Variants in DNAH11 observed in about 807,000 individuals in gnomAD.
The protein encoded by DNAH11 is dynein axonemal heavy chain 11.
A neutral mutation model predicts 526.0 loss-of-function variants in DNAH11; 442 were observed. The ratio of observed to expected loss-of-function variants is 0.84; its 90% confidence interval spans 0.78 to 0.91. The LOEUF (loss-of-function observed/expected upper bound fraction) is 0.91, where lower values mean the gene tolerates loss of function less well. DNAH11 is among the 40% of genes least tolerant of loss of function. The pLI is 0.00. For missense variants in DNAH11, 6,989 were observed against 5,448.7 expected (o/e 1.28, Z -8.90); for synonymous variants, 2,461 against 1,935.9 (o/e 1.27, Z -7.12).
intron 76 of DNAH11, among the ~76,000 whole-genome samples, chr7:21,885,056 AT>A (rs1784074079): frequency 6.7e-6 from 1 of 149,250 alleles, no homozygotes; most frequent in African/African-American, 2.4e-5. Context: ...ATATATAATT[AT>A]TATTTGTCAA....
At chr7:21,724,719 C>G (rs1390359024) in intron 44 of DNAH11, among the ~76,000 whole-genome samples, 2 of 150,322 alleles carry the variant, frequency 1.3e-5, no homozygotes, top group Non-Finnish European at 3.0e-5. Context: ...AGTAACTGGG[C>G]CAGGTCATCC....
intron 59 of DNAH11, 108 bp downstream of exon 59, chr7:21,786,875 T>G (rs558134379): frequency 6.9e-7 from 1 of 1,442,144 alleles, no homozygotes; most frequent in African/African-American, 1.4e-5. Context: ...GAAATCATCT[T>G]CATAGTTGCT....
Position 21,868,017 on chromosome 7 carries a change from TG to T in DNAH11, c.11839+13del. 6.6e-7 allele frequency: 1 copy of T among 1,511,560 alleles called. No homozygotes were observed. Among genetic ancestry groups the T allele is most frequent in the Non-Finnish European group, 8.9e-7 (1 of 1,124,816 alleles). 93.6% of individuals were successfully genotyped at this position (1,511,560 alleles called of 1,614,324 possible). On this transcript the variant is annotated intron_variant, in intron 72 of 81. Transcript: ENST00000409508. ...GACCTGGAGATTCTTGGTGAGTGGC[TG>T]GGAGGCTCGCTGGCCCGCCCCTTCT...
chr7:21,584,367 G>C (rs553595067), intron 9 of DNAH11, among the ~76,000 whole-genome samples: 1 of 152,256 alleles, frequency 6.6e-6, no homozygotes, highest in East Asian at 1.9e-4. Flanking sequence ...TCATAAGTGG[G>C]AGTTAAACAG....
intron 30 of DNAH11, among the ~76,000 whole-genome samples, chr7:21,671,463 A>T (rs1268642221): frequency 6.6e-6 from 1 of 152,154 alleles, no homozygotes; most frequent in East Asian, 1.9e-4. Context: ...ATGCTATTTC[A>T]GTATTATCCT....
At chr7:21,881,408 C>T (rs1783921056) in intron 75 of DNAH11, among the ~76,000 whole-genome samples, 1 of 152,112 alleles carries the variant, frequency 6.6e-6, no homozygotes, top group Admixed American at 6.5e-5. Context: ...TAATGTTCCC[C>T]TTGATTTGAA....
At chr7:21,549,286 C>T (rs1246218984) in intron 2 of DNAH11, among the ~76,000 whole-genome samples, 1 of 152,180 alleles carries the variant, frequency 6.6e-6, no homozygotes, top group East Asian at 1.9e-4. Context: ...GGAAACAGAA[C>T]CACCTGTGCC....
chr7:21,802,136 G>A (rs562432038), intron 62 of DNAH11, among the ~76,000 whole-genome samples: 169 of 152,220 alleles, frequency 1.1e-3, no homozygotes, highest in Non-Finnish European at 2.1e-3. Context: ...CCTAACAAAA[G>A]TCAAAGAGAT....
At chr7:21,877,227 T>A (rs1322228303) in intron 74 of DNAH11, among the ~76,000 whole-genome samples, 1 of 152,102 alleles carries the variant, frequency 6.6e-6, no homozygotes, top group African/African-American at 2.4e-5. Flanking sequence ...TTAAACCTTT[T>A]TTTTCTTTTT....
intron 20 of DNAH11, among the ~76,000 whole-genome samples, chr7:21,606,965 G>C (rs1246954291): frequency 2.6e-5 from 4 of 152,164 alleles, no homozygotes; most frequent in Admixed American, 1.3e-4. Flanking sequence ...GACAGGACTA[G>C]TAGGATAGAT....
intron 69 of DNAH11, among the ~76,000 whole-genome samples, chr7:21,863,332 T>G (rs1402635240): frequency 6.6e-6 from 1 of 152,192 alleles, no homozygotes; most frequent in Admixed American, 6.5e-5. Flanking sequence ...AAATACTTGT[T>G]TTTTTGTTTG....
chr7:21,803,072 T>C (rs1262623169), intron 62 of DNAH11, among the ~76,000 whole-genome samples: 1 of 152,032 alleles, frequency 6.6e-6, no homozygotes, highest in Non-Finnish European at 1.5e-5. Flanking sequence ...ACTACACTAT[T>C]AGAAAGCATA....
At chr7:21,613,246 CAT>C (rs780052146) in intron 20 of DNAH11, among the ~76,000 whole-genome samples, 12 of 151,942 alleles carry the variant, frequency 7.9e-5, no homozygotes, top group African/African-American at 2.2e-4. Context: ...ATTTCACAAA[CAT>C]AAATTTTAAC....
chr7:21,606,374 G>T (rs970483954), intron 18 of DNAH11, 52 bp from the exon 19 acceptor site: 22 of 1,363,990 alleles, frequency 1.6e-5, no homozygotes, highest in Non-Finnish European at 2.0e-5. Flanking sequence ...CTATAGGGTT[G>T]ATTTGTTTTA....
chr7:21,822,049 T>A (rs1790076237), intron 65 of DNAH11, among the ~76,000 whole-genome samples: 1 of 152,162 alleles, frequency 6.6e-6, no homozygotes, highest in Non-Finnish European at 1.5e-5. Context: ...CATTCCTTTT[T>A]ATGGATGAAT....
rs1385568496 is a variant in DNAH11, at chr7:21,748,705, T to G, written c.8636T>G (p.Ile2879Ser). The G allele has an allele frequency of 6.2e-7, 1 of 1,613,512 alleles. No homozygotes were observed. ...AYLRGLEVFQITLTEGYGIQE... is the reference protein window; with the variant it reads ...AYLRGLEVFQSTLTEGYGIQE... ...CTTCGTGGCCTTGAGGTCTTTCAGA[T>G]CACTCTGACCGAGGGCTATGGAATC... The change falls in exon 52 of 82, where the codon ATC becomes AGC. Residue 2879 changes from isoleucine to serine, a missense_variant. By Grantham distance (142) the Ile-to-Ser change is moderately radical. Coordinates refer to ENST00000409508, the MANE Select transcript of DNAH11 (RefSeq NM_001277115.2).
intron 43 of DNAH11, among the ~76,000 whole-genome samples, chr7:21,719,011 A>T (rs1364309225): frequency 1.3e-5 from 2 of 152,184 alleles, no homozygotes; most frequent in Admixed American, 1.3e-4. Flanking sequence ...TAATACTTGC[A>T]AAAAAGCATT....
rs948653337 is a variant in DNAH11, at chr7:21,626,219, C to G, written c.4500+6141C>G. ...GTGAATGGGAATACGTGATATTTGT[C>G]TTTCTATGCTTGCCTTATTTCACTT... On this transcript the variant is annotated intron_variant, in intron 25 of 81. Coordinates refer to ENST00000409508, the MANE Select transcript of DNAH11 (RefSeq NM_001277115.2). Among the ~76,000 whole-genome samples the G allele has an allele frequency of 2.0e-5, 3 of 152,164 alleles. No homozygotes were observed. The South Asian group carries it at 6.2e-4, about 31-fold the overall frequency.
chr7:21,749,124 C>A (rs1385468071), intron 52 of DNAH11, among the ~76,000 whole-genome samples: 1 of 152,060 alleles, frequency 6.6e-6, no homozygotes, highest in African/African-American at 2.4e-5. Context: ...TAGATTTCTT[C>A]CACATTGGAT....
Sources: allele counts gnomAD v4.1 joint callset (sites outside exome capture counted in the v4.1 genomes callset), GRCh38; gene constraint gnomAD v4.1.1; transcripts MANE v1.5; gene names NCBI Gene and HGNC (gene_info 2026-07-23, HGNC 2026-07-21).